Variants in MATCAP2 observed in about 807,000 individuals in gnomAD.
MATCAP2 encodes microtubule associated tyrosine carboxypeptidase 2.
chr7:36,389,759 C>T, the MATCAP2 span: 1 of 452,842 alleles, frequency 2.2e-6, no homozygotes. Context: ...CCGGCGCGGC[C>T]ACGTGACCGA....
At chr7:36,359,255 G>C in the MATCAP2 span, among the ~76,000 whole-genome samples, 3 of 152,322 alleles carry the variant, frequency 2.0e-5, no homozygotes, top group Non-Finnish European at 4.4e-5. Flanking sequence ...ACTGGGGAGA[G>C]GGTATTGACA....
chr7:36,383,050 T>G, the MATCAP2 span, among the ~76,000 whole-genome samples: 3 of 152,182 alleles, frequency 2.0e-5, no homozygotes, highest in Admixed American at 6.5e-5. Flanking sequence ...CAATATAATA[T>G]GTTCAGAAAG....
At chr7:36,341,948 G>A in the MATCAP2 span, among the ~76,000 whole-genome samples, 2 of 152,092 alleles carry the variant, frequency 1.3e-5, no homozygotes, top group African/African-American at 4.8e-5. Flanking sequence ...CAGGCCAAAT[G>A]CATTTTTTTG....
the MATCAP2 span, among the ~76,000 whole-genome samples, chr7:36,360,635 AC>A: frequency 6.6e-6 from 1 of 152,242 alleles, no homozygotes. Context: ...TCTCAGAGTC[AC>A]AGTAATTGTA....
At chr7:36,363,261 T>C in the MATCAP2 span, among the ~76,000 whole-genome samples, 1 of 152,212 alleles carries the variant, frequency 6.6e-6, no homozygotes, top group East Asian at 1.9e-4. Context: ...ATTTCCAGTA[T>C]TTTTAAACAT....
the MATCAP2 span, among the ~76,000 whole-genome samples, chr7:36,359,536 A>G: frequency 2.0e-5 from 3 of 152,210 alleles, no homozygotes; most frequent in Non-Finnish European, 4.4e-5. Context: ...TGGTGTCTAA[A>G]AGATAACATA....
the MATCAP2 span, among the ~76,000 whole-genome samples, chr7:36,347,855 C>A: frequency 6.6e-6 from 1 of 152,124 alleles, no homozygotes; most frequent in South Asian, 2.1e-4. Flanking sequence ...ACTTCCCCCC[C>A]AAACAGAATA....
At chr7:36,347,849 C>A in the MATCAP2 span, among the ~76,000 whole-genome samples, 1 of 151,948 alleles carries the variant, frequency 6.6e-6, no homozygotes, top group Non-Finnish European at 1.5e-5. Context: ...TCTAAAACTT[C>A]CCCCCCAAAC....
the MATCAP2 span, among the ~76,000 whole-genome samples, chr7:36,349,913 T>A: frequency 1.3e-5 from 2 of 152,202 alleles, no homozygotes; most frequent in African/African-American, 4.8e-5. Flanking sequence ...CTATTTAGGT[T>A]AAGAAATAAC....
the MATCAP2 span, among the ~76,000 whole-genome samples, chr7:36,330,442 A>G: frequency 6.6e-6 from 1 of 151,960 alleles, no homozygotes; most frequent in South Asian, 2.1e-4. Flanking sequence ...AGAATGAGGC[A>G]AGGGGAGACT....
At chr7:36,330,075 A>T in the MATCAP2 span, among the ~76,000 whole-genome samples, 1 of 128,196 alleles carries the variant, frequency 7.8e-6, no homozygotes, top group African/African-American at 2.9e-5. Context: ...ATTTTATTTT[A>T]TTTATTTATT....
At chr7:36,325,418 A>AATC in the MATCAP2 span, 3 of 152,196 alleles carry the variant, frequency 2.0e-5, no homozygotes, top group African/African-American at 7.2e-5. Flanking sequence ...GAAAGAGAAA[A>AATC]ATCATGTAAC....
At chr7:36,361,844 CGTT>C in the MATCAP2 span, among the ~76,000 whole-genome samples, 2 of 152,214 alleles carry the variant, frequency 1.3e-5, no homozygotes, top group East Asian at 1.9e-4. Context: ...AGAAAACTGA[CGTT>C]GTAAGCAACA....
the MATCAP2 span, chr7:36,357,431 T>TGTA: frequency 6.2e-7 from 1 of 1,614,194 alleles, no homozygotes. Context: ...CTCCTTGCTC[T>TGTA]GTAGTAGGAC....
chr7:36,389,819 G>T, the MATCAP2 span: 10 of 933,286 alleles, frequency 1.1e-5, no homozygotes, highest in African/African-American at 1.2e-4. Flanking sequence ...GCGCATGCTC[G>T]CGGCTCGGCG....
the MATCAP2 span, chr7:36,389,744 C>G: frequency 2.5e-6 from 1 of 399,188 alleles, no homozygotes; most frequent in Non-Finnish European, 4.4e-6. Context: ...TGGGAACCAC[C>G]CGGCCCGGCG....
chr7:36,366,404 T>G, the MATCAP2 span, among the ~76,000 whole-genome samples: 2 of 152,216 alleles, frequency 1.3e-5, no homozygotes, highest in Non-Finnish European at 2.9e-5. Flanking sequence ...ACCCATGTTT[T>G]ACACTTGGTA....
chr7:36,354,497 G>T, the MATCAP2 span, among the ~76,000 whole-genome samples: 1 of 152,212 alleles, frequency 6.6e-6, no homozygotes, highest in Non-Finnish European at 1.5e-5. Context: ...GATTGGCAAG[G>T]CCTCAAAGGT....
the MATCAP2 span, chr7:36,384,058 ATG>A: frequency 6.5e-5 from 22 of 339,406 alleles, no homozygotes; most frequent in African/African-American, 4.1e-4. Flanking sequence ...TAAAATACAA[ATG>A]TGTGTGACTG....
Sources: allele counts gnomAD v4.1 joint callset (sites outside exome capture counted in the v4.1 genomes callset), GRCh38; gene constraint gnomAD v4.1.1; transcripts MANE v1.5; gene names NCBI Gene and HGNC (gene_info 2026-07-23, HGNC 2026-07-21).